SKOR2: variants seen among roughly 807,000 people sequenced by gnomAD.
SKOR2 encodes the protein LBX1 corepressor 1-like protein.
In SKOR2, 47 loss-of-function variants were observed where a neutral mutation model predicts 69.1. That is an observed-to-expected ratio of 0.68 (90% confidence interval 0.54 to 0.87). The LOEUF (loss-of-function observed/expected upper bound fraction) is 0.87. Ranked by LOEUF, SKOR2 falls within the 40% of genes least tolerant of loss-of-function variation. The pLI is 0.00. For missense variants in SKOR2, 1,404 were observed against 1,472.2 expected, an observed-to-expected ratio of 0.95 and a Z score of 0.76; for synonymous variants, 717 against 672.6, an observed-to-expected ratio of 1.07 and a Z score of -1.02.
chr18:47,227,665 C>T (rs1642967516), intron 6 of SKOR2, among the ~76,000 whole-genome samples: 1 of 152,190 alleles, frequency 6.6e-6, no homozygotes, highest in African/African-American at 2.4e-5. Context: ...TTTAGAAATG[C>T]TTTTCTAGAG....
intron 8 of SKOR2, among the ~76,000 whole-genome samples, chr18:47,210,204 T>TA (rs149089220): frequency 2.3e-3 from 343 of 152,332 alleles, no homozygotes; most frequent in African/African-American, 7.8e-3. Context: ...ACAAAGTTTT[T>TA]ACCATCGTTG....
At chr18:47,230,226 A>C (rs2064192516) in intron 6 of SKOR2, among the ~76,000 whole-genome samples, 1 of 152,054 alleles carries the variant, frequency 6.6e-6, no homozygotes, top group Non-Finnish European at 1.5e-5. Context: ...CAACATGCAC[A>C]TACAGATACA....
intron 6 of SKOR2, among the ~76,000 whole-genome samples, chr18:47,230,086 T>G (rs984067985): frequency 1.3e-5 from 2 of 152,164 alleles, no homozygotes; most frequent in Non-Finnish European, 2.9e-5. Flanking sequence ...CTTTTTCTTG[T>G]TTTCCCTACT....
chr18:47,240,828 T>G (rs2064245178), intron 4 of SKOR2, among the ~76,000 whole-genome samples: 1 of 152,204 alleles, frequency 6.6e-6, no homozygotes, highest in Admixed American at 6.5e-5. Flanking sequence ...TTAACTATAT[T>G]TATGGTTGCC....
At chr18:47,236,907 C>T (rs2064226306) in intron 4 of SKOR2, among the ~76,000 whole-genome samples, 1 of 152,142 alleles carries the variant, frequency 6.6e-6, no homozygotes, top group Non-Finnish European at 1.5e-5. Context: ...CTTTATTCTG[C>T]CCCTTTGTAC....
chr18:47,225,484 C>T (rs886338872), intron 6 of SKOR2, among the ~76,000 whole-genome samples: 1 of 152,164 alleles, frequency 6.6e-6, no homozygotes, highest in Non-Finnish European at 1.5e-5. Flanking sequence ...GAGTATGCTA[C>T]ATACCCACAA....
intron 1 of SKOR2, 55 bp from the exon 2 acceptor site, chr18:47,249,285 G>T: frequency 1.5e-6 from 2 of 1,363,356 alleles, no homozygotes; most frequent in Non-Finnish European, 1.9e-6. Context: ...AAAACAGAGG[G>T]GTGGGATGAA....
chr18:47,245,959 T>G (rs1463987440), intron 2 of SKOR2, among the ~76,000 whole-genome samples: 1 of 151,472 alleles, frequency 6.6e-6, no homozygotes, highest in Non-Finnish European at 1.5e-5. Flanking sequence ...AATTTAACTT[T>G]GGTCTTTTAG....
At position 47,247,871 on chromosome 18, in the gene SKOR2, C is replaced by T. The variant is rs1362316353; in HGVS notation, c.1313G>A (p.Gly438Asp). The T allele has an allele frequency of 2.2e-6, 3 of 1,359,410 alleles. No homozygotes were observed. Among genetic ancestry groups the T allele is most frequent in the Non-Finnish European group, 2.8e-6 (3 of 1,065,982 alleles). 84.2% of individuals were successfully genotyped at this position (1,359,410 alleles called of 1,614,324 possible). A position where few individuals can be genotyped will look rare whatever the true frequency, so the allele number is the denominator to read the frequency against. ...GGGCGCCGCGCCCGCGCCGCCTGCG[C>T]CCGCGCCCCCCAGGGCCTCAGCGGC... Reference protein sequence around the residue: ...GAAAEALGGAGAGGAGAAPKA... With the variant: ...GAAAEALGGADAGGAGAAPKA... Residue 438 changes from glycine to aspartate, a missense_variant, in exon 2 of 9, where the codon GGC becomes GAC. Around this residue, in one of 3 missense-constraint regions of SKOR2, gnomAD observed 1,266 missense variants for 1,309.9 expected, o/e 0.97. Coordinates refer to ENST00000425639, the MANE Select transcript of SKOR2 (RefSeq NM_001278063.4). The surrounding 1 kb of genome is among the most constrained non-coding windows in gnomAD (Gnocchi z 6.6).
chr18:47,212,580 CA>C (rs1449018429), intron 7 of SKOR2, among the ~76,000 whole-genome samples: 1 of 152,158 alleles, frequency 6.6e-6, no homozygotes, highest in African/African-American at 2.4e-5. Context: ...TTCTTTATAA[CA>C]GACGTAATTT....
chr18:47,249,127 G>C lies in SKOR2; in HGVS notation c.57C>G (p.Ser19Arg). Residue 19 changes from serine (S) to arginine (R), a missense_variant, in exon 2 of 9, where the codon AGC (serine) becomes AGG (arginine). Coordinates refer to ENST00000425639, the MANE Select transcript of SKOR2 (RefSeq NM_001278063.4). Reference protein sequence around the residue: ...PNDILLASPSSAFQPDTLSQP... With the variant: ...PNDILLASPSRAFQPDTLSQP... ...GGCTCAGCGTGTCGGGCTGGAAGGC[G>C]CTCGACGGCGACGCCAGCAGGATGT... is the stretch of plus-strand genomic sequence containing the variant. The C allele has an allele frequency of 6.5e-7, 1 of 1,535,898 alleles. No homozygotes were observed. The highest frequency in any genetic ancestry group is 8.7e-7 in the Non-Finnish European group (1 of 1,146,770).
chr18:47,244,816 C>T (rs2064263994), intron 4 of SKOR2, 92 bp downstream of exon 4: 21 of 1,193,302 alleles, frequency 1.8e-5, no homozygotes, highest in South Asian at 7.8e-5. Flanking sequence ...TTATTTTTAC[C>T]CTTGTACTAA....
chr18:47,231,842 TCA>T (rs2064200994), intron 4 of SKOR2, among the ~76,000 whole-genome samples: 1 of 76,554 alleles, frequency 1.3e-5, no homozygotes, highest in African/African-American at 4.9e-5. Flanking sequence ...AAACTCCATC[TCA>T]AAAAAAAAAA....
chr18:47,224,429 G>A (rs1434144467), intron 6 of SKOR2, among the ~76,000 whole-genome samples: 1 of 152,044 alleles, frequency 6.6e-6, no homozygotes, highest in Non-Finnish European at 1.5e-5. Context: ...AAAGCCAAAG[G>A]GTTTTCCAAA....
chr18:47,244,411 G>T (rs540842699), intron 4 of SKOR2, among the ~76,000 whole-genome samples: 5 of 152,262 alleles, frequency 3.3e-5, no homozygotes, highest in Admixed American at 6.5e-5. Context: ...TTCTAATCAC[G>T]TCTTTCCCAA....
In SKOR2 at chr18:47,248,990, G is replaced by A. The variant is rs545196247; in HGVS notation, c.194C>T (p.Ala65Val). 3 of 1,561,864 alleles carry A rather than the reference G, an allele frequency of 1.9e-6. No individual in the cohort carries two copies. The highest frequency in any genetic ancestry group is 1.8e-5 in the Admixed American group (1 of 54,064). Residue 65 changes from alanine to valine, a missense_variant, in exon 2 of 9, where the codon GCG (alanine) becomes GTG (valine). Transcript: ENST00000425639. This position sits in a 1 kb window ranked among gnomAD's most constrained non-coding sequence, Gnocchi z 6.4. ...VIDGQERLCL[A>V]QISNTLLKNF... ...CTTGAGCAGAGTGTTGGAGATCTGCGCCAGGCACAGGCGCTCTTGCCCGTC... is the reference window on the plus strand; with the variant it reads ...CTTGAGCAGAGTGTTGGAGATCTGCACCAGGCACAGGCGCTCTTGCCCGTC...
At chr18:47,242,405 T>A (rs1228565014) in intron 4 of SKOR2, among the ~76,000 whole-genome samples, 1 of 152,102 alleles carries the variant, frequency 6.6e-6, no homozygotes, top group Admixed American at 6.5e-5. Flanking sequence ...CTTAAAAAAA[T>A]TATGAATGTT....
intron 7 of SKOR2, among the ~76,000 whole-genome samples, chr18:47,217,977 T>C (rs2064149405): frequency 6.6e-6 from 1 of 152,198 alleles, no homozygotes; most frequent in African/African-American, 2.4e-5. Context: ...AAATATTTTA[T>C]AAGACAGCAT....
chr18:47,236,621 C>T (rs2064224798), intron 4 of SKOR2, among the ~76,000 whole-genome samples: 1 of 152,162 alleles, frequency 6.6e-6, no homozygotes, highest in Non-Finnish European at 1.5e-5. Context: ...TCCTACTTTT[C>T]CACCATGTGA....
Sources: gnomAD v4.1 joint callset for allele counts (sites outside exome capture counted in the v4.1 genomes callset) on GRCh38, gnomAD v4.1.1 for gene constraint, gnomAD v4.1.1 regional missense constraint, Gnocchi (gnomAD v3.1) non-coding constraint, MANE v1.5 for transcripts, NCBI Gene and HGNC (gene_info 2026-07-23, HGNC 2026-07-21) for gene names.